The following SIPA1L3 variants were observed in gnomAD, a reference collection of about 807,000 sequenced individuals.
The protein encoded by SIPA1L3 is signal-induced proliferation-associated 1-like protein 3.
SIPA1L3 carries 59 observed loss-of-function variants against 150.1 expected under a neutral mutation model. That is an observed-to-expected ratio of 0.39 (90% CI 0.32 to 0.49). The LOEUF (loss-of-function observed/expected upper bound fraction) is 0.49. Ranked by LOEUF, SIPA1L3 falls within the 20% of genes least tolerant of loss-of-function variation. The pLI is 0.86. For missense variants in SIPA1L3, 2,211 were observed against 2,489.5 expected (o/e 0.89, Z 2.38); for synonymous variants, 1,070 against 1,077.6 (o/e 0.99, Z 0.14).
chr19:38,007,934 C>G (rs1967996548), intron 1 of SIPA1L3, among the ~76,000 whole-genome samples: 1 of 152,140 alleles, frequency 6.6e-6, no homozygotes, highest in Non-Finnish European at 1.5e-5. Flanking sequence ...CTACACCATC[C>G]TCCTTGGAAT....
chr19:38,198,869 C>T (rs987533067), intron 19 of SIPA1L3, among the ~76,000 whole-genome samples: 12 of 152,194 alleles, frequency 7.9e-5, no homozygotes, highest in South Asian at 2.1e-4. Flanking sequence ...GCAGGAGGAT[C>T]GCTTGAGCCC....
chr19:38,063,385 AG>A (rs1969498465), intron 2 of SIPA1L3, among the ~76,000 whole-genome samples: 4 of 152,026 alleles, frequency 2.6e-5, no homozygotes, highest in Admixed American at 2.6e-4. Flanking sequence ...AGCCATCCTC[AG>A]GTTAGGATAA....
chr19:38,124,181 C>T lies in SIPA1L3; in HGVS notation c.2868+4299C>T, dbSNP rs374983019. ...CTTCCCAGACGGGGTGGTTGCTGGGCGGAGGGTCTCCTCACTTCTCAGACG... is the reference window on the plus strand; with the variant it reads ...CTTCCCAGACGGGGTGGTTGCTGGGTGGAGGGTCTCCTCACTTCTCAGACG... On this transcript the variant is annotated intron_variant, in intron 9 of 21. Coordinates refer to ENST00000222345, the MANE Select transcript of SIPA1L3 (RefSeq NM_015073.3). 8.1e-3 allele frequency among the ~76,000 whole-genome samples: 1,215 copies of T among 150,830 alleles called. 45 individuals carry two copies. In the South Asian group the frequency reaches 0.12, roughly 15 times the overall value.
chr19:37,916,273 C>T (rs1169052874), intron 1 of SIPA1L3, among the ~76,000 whole-genome samples: 1 of 151,612 alleles, frequency 6.6e-6, no homozygotes, highest in Admixed American at 6.6e-5. Flanking sequence ...GTGGTCTTCC[C>T]GCCTCAGCCT....
At chr19:38,141,492 C>T in intron 11 of SIPA1L3, 57 bp downstream of exon 11, 1 of 1,526,586 alleles carries the variant, frequency 6.6e-7, no homozygotes, top group Non-Finnish European at 8.8e-7. Context: ...CACACCCATC[C>T]TCCGCCCCTC....
At chr19:38,110,092 C>T (rs1970703579) in intron 7 of SIPA1L3, 135 bp from the exon 8 acceptor site, 5 of 794,590 alleles carry the variant, frequency 6.3e-6, no homozygotes, top group East Asian at 5.1e-5. Flanking sequence ...TCACCTGACT[C>T]GGGCATTCCT....
chr19:38,146,245 C>T (rs571799641), intron 12 of SIPA1L3, among the ~76,000 whole-genome samples: 69 of 152,254 alleles, frequency 4.5e-4, no homozygotes, highest in Middle Eastern at 3.4e-3. Context: ...TTGTCTTTTT[C>T]ACTCAGCAGA....
intron 2 of SIPA1L3, among the ~76,000 whole-genome samples, chr19:38,044,434 G>A (rs566737707): frequency 1.5e-4 from 23 of 152,292 alleles, no homozygotes; most frequent in African/African-American, 5.3e-4. Flanking sequence ...CAGCGAAGGA[G>A]GCTGGGGAGG....
chr19:38,004,009 A>G (rs1193665375), intron 1 of SIPA1L3, among the ~76,000 whole-genome samples: 1 of 151,996 alleles, frequency 6.6e-6, no homozygotes, highest in Admixed American at 6.6e-5. Context: ...AAGGAACTAC[A>G]AACAAGACAG....
chr19:37,949,757 T>A (rs2145548771), intron 1 of SIPA1L3, among the ~76,000 whole-genome samples: 1 of 152,176 alleles, frequency 6.6e-6, no homozygotes, highest in South Asian at 2.1e-4. Context: ...TTTTCTCATA[T>A]GAAGCAACAT....
At chr19:38,051,475 A>G (rs1568521414) in intron 2 of SIPA1L3, among the ~76,000 whole-genome samples, 1 of 152,134 alleles carries the variant, frequency 6.6e-6, no homozygotes, top group Admixed American at 6.5e-5. Flanking sequence ...AGGGATATGC[A>G]TGGTTTTGAT....
intron 2 of SIPA1L3, among the ~76,000 whole-genome samples, chr19:38,064,509 C>T (rs1013377910): frequency 1.3e-5 from 2 of 152,186 alleles, no homozygotes; most frequent in Non-Finnish European, 2.9e-5. Flanking sequence ...CCAGCCTGGC[C>T]AACATGGCAA....
intron 2 of SIPA1L3, among the ~76,000 whole-genome samples, chr19:38,061,034 G>A (rs1969435757): frequency 6.6e-6 from 1 of 151,888 alleles, no homozygotes. Flanking sequence ...CTTTTCTTCC[G>A]AATTAGTACT....
intron 20 of SIPA1L3, among the ~76,000 whole-genome samples, chr19:38,203,229 A>C (rs944658503): frequency 1.5e-4 from 23 of 152,224 alleles, no homozygotes; most frequent in Admixed American, 1.4e-3. Flanking sequence ...GGGCAGGAGC[A>C]GCATGGGCTG....
chr19:37,942,368 T>G (rs1025401622), intron 1 of SIPA1L3, among the ~76,000 whole-genome samples: 3 of 151,608 alleles, frequency 2.0e-5, no homozygotes, highest in Admixed American at 6.6e-5. Flanking sequence ...GGGGAGAGCC[T>G]CCTCGGGGTG....
chr19:37,934,594 A>C (rs1352392832), intron 1 of SIPA1L3, among the ~76,000 whole-genome samples: 1 of 152,214 alleles, frequency 6.6e-6, no homozygotes, highest in Non-Finnish European at 1.5e-5. Context: ...GATTTAAGAA[A>C]GACAATTCTT....
chr19:38,071,201 T>TTATCTATCTATCTATC (rs60942211), intron 2 of SIPA1L3, among the ~76,000 whole-genome samples: 80 of 142,266 alleles, frequency 5.6e-4, no homozygotes, highest in Non-Finnish European at 7.5e-4. Flanking sequence ...TTATGTTGTT[T>TTATCTATCTATCTATC]TATCTATCTA....
At chr19:38,079,919 G>T (rs1014777017) in intron 2 of SIPA1L3, among the ~76,000 whole-genome samples, 4 of 152,206 alleles carry the variant, frequency 2.6e-5, no homozygotes, top group African/African-American at 7.2e-5. Context: ...ACTGAGGAAG[G>T]ATATCAGATG....
At chr19:38,054,875 T>C (rs1969282274) in intron 2 of SIPA1L3, among the ~76,000 whole-genome samples, 1 of 152,206 alleles carries the variant, frequency 6.6e-6, no homozygotes, top group Non-Finnish European at 1.5e-5. Context: ...GCTTCTGCCA[T>C]GAGTCCTTGG....
Sources: allele counts gnomAD v4.1 joint callset (sites outside exome capture counted in the v4.1 genomes callset), GRCh38; gene constraint gnomAD v4.1.1; transcripts MANE v1.5; gene names NCBI Gene and HGNC (gene_info 2026-07-23, HGNC 2026-07-21).